CNIH3: variants seen among roughly 807,000 people sequenced by gnomAD.
CNIH3 encodes the protein cornichon family AMPA receptor auxiliary protein 3.
CNIH3 carries 14 observed loss-of-function variants against 24.1 expected under a neutral mutation model. That is an observed-to-expected ratio of 0.58 (90% CI 0.38 to 0.91). CNIH3 has a LOEUF of 0.91. CNIH3 is among the 40% of genes least tolerant of loss of function. CNIH3 has a pLI of 0.00. For synonymous variants in CNIH3, 68 were observed against 73.8 expected (o/e 0.92, Z 0.40); for missense variants, 178 against 196.8 (o/e 0.90, Z 0.57).
intron 1 of CNIH3, among the ~76,000 whole-genome samples, chr1:224,620,271 C>T (rs883116): frequency 0.22 from 34,180 of 152,152 alleles, 4,238 homozygotes; most frequent in East Asian, 0.38. Context: ...ACGGACATTT[C>T]GCAGATGAGG....
At chr1:224,632,812 A>G (rs776655654) in intron 1 of CNIH3, among the ~76,000 whole-genome samples, 1 of 152,134 alleles carries the variant, frequency 6.6e-6, no homozygotes, top group Non-Finnish European at 1.5e-5. Context: ...GACTGGAGGA[A>G]AATGTGTTCA....
chr1:224,486,940 G>A (rs2124835884), intron 1 of CNIH3, among the ~76,000 whole-genome samples: 1 of 152,298 alleles, frequency 6.6e-6, no homozygotes, highest in South Asian at 2.1e-4. Context: ...TGACTAAACA[G>A]GCTCCGGATG....
chr1:224,501,644 G>C (rs958084720), intron 1 of CNIH3, among the ~76,000 whole-genome samples: 1 of 151,148 alleles, frequency 6.6e-6, no homozygotes, highest in Admixed American at 6.6e-5. Flanking sequence ...GCAGTGGCGC[G>C]ATCTCGGCTC....
At chr1:224,603,127 A>G (rs1445597500) in intron 3 of CNIH3, among the ~76,000 whole-genome samples, 1 of 152,052 alleles carries the variant, frequency 6.6e-6, no homozygotes, top group Non-Finnish European at 1.5e-5. Flanking sequence ...ACATGTTGCA[A>G]AAGAAAAGAA....
At chr1:224,617,773 G>A (rs1194346762) in intron 1 of CNIH3, among the ~76,000 whole-genome samples, 1 of 152,186 alleles carries the variant, frequency 6.6e-6, no homozygotes, top group African/African-American at 2.4e-5. Flanking sequence ...ACCAGGCGAT[G>A]GGGGTCGAAG....
intron 3 of CNIH3, among the ~76,000 whole-genome samples, chr1:224,601,197 G>T (rs980161598): frequency 3.9e-5 from 6 of 152,182 alleles, no homozygotes; most frequent in South Asian, 2.1e-4. Flanking sequence ...GCATGCTTCT[G>T]GGGGGTTGCA....
In CNIH3 at chr1:224,704,056, A is replaced by G. The variant is rs1687646891; in HGVS notation, c.198+19213A>G. On this transcript the variant is annotated intron_variant, in intron 3 of 5. Transcript: ENST00000272133. The surrounding 1 kb of genome is among the most constrained non-coding windows in gnomAD (Gnocchi z 4.2). ...GGTGCGCCTTTGGTGGAGTGAGAACATGAACTACTGTTCAGGAGGTAGGGG... is the reference window on the plus strand; with the variant it reads ...GGTGCGCCTTTGGTGGAGTGAGAACGTGAACTACTGTTCAGGAGGTAGGGG... 6.7e-6 allele frequency among the ~76,000 whole-genome samples: 1 copy of G among 149,626 alleles called. No homozygotes were observed. Among genetic ancestry groups the G allele is most frequent in the South Asian group, 2.1e-4 (1 of 4,828 alleles).
chr1:224,541,281 T>C (rs1352806473), downstream of CNIH3, among the ~76,000 whole-genome samples: 5 of 152,200 alleles, frequency 3.3e-5, no homozygotes, highest in Middle Eastern at 3.2e-3. Flanking sequence ...TCTAATTTGA[T>C]GTTACTGGCT....
chr1:224,467,141 C>G lies in CNIH3; in HGVS notation n.203+32279C>G, dbSNP rs965691679. On this transcript the variant is annotated intron_variant and non_coding_transcript_variant, in intron 1 of 5. Coordinates refer to the CNIH3 transcript ENST00000471578. Reference sequence around the variant, plus strand: ...CCTGGGCTCAAGTGATCATCCCACCCCAGCCTCTCACGTGGCTGGGACTAC... The same window carrying G: ...CCTGGGCTCAAGTGATCATCCCACCGCAGCCTCTCACGTGGCTGGGACTAC... 2.6e-5 allele frequency among the ~76,000 whole-genome samples: 4 copies of G among 152,204 alleles called. No homozygotes were observed. The South Asian group carries it at 8.3e-4, about 32-fold the overall frequency.
chr1:224,567,045 G>A (rs1572490639), intron 4 of CNIH3, among the ~76,000 whole-genome samples: 1 of 152,096 alleles, frequency 6.6e-6, no homozygotes, highest in Non-Finnish European at 1.5e-5. Context: ...TCCTGACTTT[G>A]TAATGATCGC....
At chr1:224,542,292 T>C (rs1358284270), downstream of CNIH3, among the ~76,000 whole-genome samples, 2 of 152,240 alleles carry the variant, frequency 1.3e-5, no homozygotes, top group African/African-American at 4.8e-5. Flanking sequence ...AACAATAATT[T>C]TGGGCAATGA....
intron 1 of CNIH3, among the ~76,000 whole-genome samples, chr1:224,439,591 TG>T (rs1365684462): frequency 6.6e-6 from 1 of 152,082 alleles, no homozygotes; most frequent in African/African-American, 2.4e-5. Flanking sequence ...AGATAGTCAC[TG>T]AAACATTATT....
chr1:224,701,276 T>C (rs1687474889), intron 3 of CNIH3, among the ~76,000 whole-genome samples: 1 of 151,932 alleles, frequency 6.6e-6, no homozygotes, highest in Non-Finnish European at 1.5e-5. Flanking sequence ...TTTGTGCTGC[T>C]ATAACAAAAT....
At position 224,648,630 on chromosome 1, in the gene CNIH3, C is replaced by T. The variant is rs138156857; in HGVS notation, c.81+31375C>T. On this transcript the variant is annotated intron_variant, in intron 1 of 5. Coordinates refer to ENST00000272133, the MANE Select transcript of CNIH3 (RefSeq NM_152495.2). The stretch of plus-strand genomic sequence containing the variant: ...GGCTTGGGGAGTTTGCATATTGAGG[C>T]GAGGTTAGAGAAGGATATTGGAATA... Among the ~76,000 whole-genome samples, 104 of 152,124 alleles carry T rather than the reference C, an allele frequency of 6.8e-4. 1 individual carries two copies. In the East Asian group the frequency reaches 0.015, roughly 21 times the overall value.
intron 3 of CNIH3, among the ~76,000 whole-genome samples, chr1:224,724,355 T>C (rs1572816624): frequency 6.6e-6 from 1 of 152,162 alleles, no homozygotes; most frequent in African/African-American, 2.4e-5. Flanking sequence ...CCCAGGCTGG[T>C]GCAGGCTTTC....
intron 1 of CNIH3, among the ~76,000 whole-genome samples, chr1:224,642,895 C>A (rs1373416736): frequency 2.0e-5 from 3 of 152,156 alleles, no homozygotes; most frequent in African/African-American, 7.2e-5. Flanking sequence ...ACAGTTGGGA[C>A]ACTGTGAACT....
intron 3 of CNIH3, among the ~76,000 whole-genome samples, chr1:224,692,005 T>G (rs1427253307): frequency 1.3e-5 from 2 of 152,192 alleles, no homozygotes; most frequent in Non-Finnish European, 2.9e-5. Flanking sequence ...TGTCATGTGC[T>G]AACAACTGGA....
chr1:224,712,390 G>A (rs1451006209), intron 3 of CNIH3, among the ~76,000 whole-genome samples: 5 of 152,180 alleles, frequency 3.3e-5, no homozygotes, highest in Admixed American at 3.3e-4. Flanking sequence ...GTCCTGCTGT[G>A]TGTTGTGGGT....
intron 4 of CNIH3, among the ~76,000 whole-genome samples, chr1:224,579,779 C>T (rs1031484254): frequency 6.6e-6 from 1 of 152,184 alleles, no homozygotes; most frequent in African/African-American, 2.4e-5. Flanking sequence ...CTTTCTTCCT[C>T]TCTGGCCACA....
Sources: gnomAD v4.1 joint callset for allele counts (sites outside exome capture counted in the v4.1 genomes callset) on GRCh38, gnomAD v4.1.1 for gene constraint, Gnocchi (gnomAD v3.1) non-coding constraint, MANE v1.5 for transcripts, NCBI Gene and HGNC (gene_info 2026-07-23, HGNC 2026-07-21) for gene names.